ERG: variants seen among roughly 807,000 people sequenced by gnomAD.
ERG encodes transcriptional regulator ERG.
A neutral mutation model predicts 55.3 loss-of-function variants in ERG; 9 were observed. The ratio of observed to expected loss-of-function variants is 0.16; its 90% CI spans 0.10 to 0.28. ERG has a LOEUF of 0.28. Among genes scored for constraint, ERG ranks in the 10% least tolerant of loss-of-function variants. The pLI is 1.00. For synonymous variants in ERG, 223 were observed against 237.3 expected (o/e 0.94, Z 0.55); for missense variants, 434 against 631.6 (o/e 0.69, Z 3.35).
chr21:38,631,483 G>A lies in ERG; in HGVS notation c.-150+30175C>T, dbSNP rs1340113526. Among the ~76,000 whole-genome samples, 6 of 152,128 alleles carry A rather than the reference G, an allele frequency of 3.9e-5. No individual in the cohort carries two copies. In the East Asian group the frequency reaches 1.2e-3, roughly 29 times the overall value. On this transcript the variant is annotated intron_variant, in intron 1 of 10. Transcript: ENST00000398910. ...TGAACATTCTGTTGCTGCTATATATGTCATTTTCAGCAGAGATGAAATAAC... is the reference window on the plus strand; with the variant it reads ...TGAACATTCTGTTGCTGCTATATATATCATTTTCAGCAGAGATGAAATAAC...
intron 3 of ERG, among the ~76,000 whole-genome samples, chr21:38,415,753 G>A (rs1601361617): frequency 6.6e-6 from 1 of 152,180 alleles, no homozygotes; most frequent in Non-Finnish European, 1.5e-5. Context: ...TTTAAAGGAA[G>A]ACTGAACTTA....
intron 2 of ERG, among the ~76,000 whole-genome samples, chr21:38,437,716 C>T (rs1029659322): frequency 9.9e-5 from 15 of 152,188 alleles, no homozygotes; most frequent in Non-Finnish European, 1.6e-4. Context: ...CTCTTTTCCT[C>T]ATGCCATATG....
In ERG at chr21:38,534,959, G is replaced by A. The variant is rs140679197; in HGVS notation, c.-41+40703C>T. ...TTAAATTAAAGTGGTTTTTTTAATC[G>A]TTTTATTTTAAAGTTCCGAGGGACA... On this transcript the variant is annotated intron_variant, in intron 2 of 8. Transcript: ENST00000398897. Among the ~76,000 whole-genome samples, 630 of 152,086 alleles carry A rather than the reference G, an allele frequency of 4.1e-3. 5 individuals are homozygous for A. The highest frequency in any genetic ancestry group is 0.014 in the African/African-American group (589 of 41,476).
intron 2 of ERG, among the ~76,000 whole-genome samples, chr21:38,549,423 C>T (rs2059809719): frequency 6.6e-6 from 1 of 152,222 alleles, no homozygotes; most frequent in South Asian, 2.1e-4. Flanking sequence ...AAATCTACAA[C>T]TAAAGATGTC....
At chr21:38,399,074 C>T (rs916510180) in intron 6 of ERG, among the ~76,000 whole-genome samples, 1 of 152,144 alleles carries the variant, frequency 6.6e-6, no homozygotes, top group Non-Finnish European at 1.5e-5. Context: ...ACTCGCAATA[C>T]ACGTGGTGGA....
chr21:38,598,048 C>T (rs2060142554), intron 1 of ERG, among the ~76,000 whole-genome samples: 1 of 152,124 alleles, frequency 6.6e-6, no homozygotes, highest in African/African-American at 2.4e-5. Flanking sequence ...TCACTGGGCT[C>T]CCTAGATGGA....
At chr21:38,397,832 C>G (rs1299834397) in intron 6 of ERG, among the ~76,000 whole-genome samples, 1 of 152,102 alleles carries the variant, frequency 6.6e-6, no homozygotes, top group Non-Finnish European at 1.5e-5. Flanking sequence ...ACTGTCTCCT[C>G]TATCAGGGAC....
At chr21:38,465,421 G>C (rs2059079624) in intron 1 of ERG, among the ~76,000 whole-genome samples, 1 of 152,180 alleles carries the variant, frequency 6.6e-6, no homozygotes, top group East Asian at 1.9e-4. Flanking sequence ...TGAACAGGTG[G>C]AGCACTGAGG....
intron 1 of ERG, among the ~76,000 whole-genome samples, chr21:38,578,696 C>T (rs181622684): frequency 2.6e-5 from 4 of 152,246 alleles, no homozygotes; most frequent in Admixed American, 1.3e-4. Flanking sequence ...CCATAGACAA[C>T]CAAAACCCCA....
At chr21:38,430,020 G>C (rs1301136999) in intron 2 of ERG, among the ~76,000 whole-genome samples, 2 of 152,054 alleles carry the variant, frequency 1.3e-5, no homozygotes, top group East Asian at 3.9e-4. Context: ...GGTTGTACTA[G>C]TTTACATTCC....
At chr21:38,489,090 T>C (rs2059313221) in intron 1 of ERG, among the ~76,000 whole-genome samples, 1 of 152,206 alleles carries the variant, frequency 6.6e-6, no homozygotes, top group African/African-American at 2.4e-5. Context: ...TTGGGCTGGC[T>C]ATCTGTGTAG....
chr21:38,611,098 ACTT>A (rs1234383147), intron 1 of ERG, among the ~76,000 whole-genome samples: 2 of 152,030 alleles, frequency 1.3e-5, no homozygotes, highest in African/African-American at 2.4e-5. Flanking sequence ...CCCTTGGCTC[ACTT>A]CTTCTCCTCG....
In ERG at chr21:38,597,927, C is replaced by T. The variant is rs183624691; in HGVS notation, c.-149-12982G>A. Among the ~76,000 whole-genome samples, 243 of 152,252 alleles carry T rather than the reference C, an allele frequency of 1.6e-3. 1 individual carries two copies. Among genetic ancestry groups the T allele is most frequent in the African/African-American group, 4.5e-3 (188 of 41,542 alleles). On this transcript the variant is annotated intron_variant, in intron 1 of 10. Transcript: ENST00000398910. ...CATTTGCAATCCGTTGACTTAAAGT[C>T]GATTATGTGGGAAATAACTGAGAGT...
At chr21:38,525,572 T>C (rs1273571023) in intron 2 of ERG, among the ~76,000 whole-genome samples, 3 of 152,208 alleles carry the variant, frequency 2.0e-5, no homozygotes, top group Non-Finnish European at 4.4e-5. Context: ...ACAGAGTTGC[T>C]TGTGAGTCAT....
At chr21:38,616,459 A>C (rs1427677836) in intron 1 of ERG, among the ~76,000 whole-genome samples, 1 of 152,082 alleles carries the variant, frequency 6.6e-6, no homozygotes, top group African/African-American at 2.4e-5. Flanking sequence ...CTCAGAAAAA[A>C]ATGTTTTCAT....
intron 1 of ERG, among the ~76,000 whole-genome samples, chr21:38,589,983 G>A (rs1037609899): frequency 9.2e-5 from 14 of 152,098 alleles, no homozygotes; most frequent in African/African-American, 2.4e-4. Context: ...CCATAGTCAC[G>A]CAGACACGCT....
At chr21:38,481,888 C>G (rs893588860) in intron 1 of ERG, among the ~76,000 whole-genome samples, 1 of 152,208 alleles carries the variant, frequency 6.6e-6, no homozygotes, top group Non-Finnish European at 1.5e-5. Flanking sequence ...CAACTTGTCA[C>G]TAGTTCATGT....
Position 38,655,643 on chromosome 21 carries a change from C to T in ERG, c.-150+6015G>A, listed in dbSNP as rs2060514501. Among the ~76,000 whole-genome samples, 2 of 152,300 alleles carry T rather than the reference C, an allele frequency of 1.3e-5. 1 individual carries two copies. Among genetic ancestry groups the T allele is most frequent in the South Asian group, 4.1e-4 (2 of 4,820 alleles). On this transcript the variant is annotated intron_variant, in intron 1 of 10. Transcript: ENST00000398910. ...ACTAAAAAGAACCATTTAATCAGGCCAAATTCCCTTCAGGCTTATTGAGGC... is the reference window on the plus strand; with the variant it reads ...ACTAAAAAGAACCATTTAATCAGGCTAAATTCCCTTCAGGCTTATTGAGGC...
intron 2 of ERG, among the ~76,000 whole-genome samples, chr21:38,567,042 C>G (rs2059927241): frequency 1.3e-5 from 2 of 150,198 alleles, no homozygotes; most frequent in Admixed American, 6.7e-5. Context: ...GAATGTCAGC[C>G]TCACTGAATC....
Sources: gnomAD v4.1 joint callset for allele counts (sites outside exome capture counted in the v4.1 genomes callset) on GRCh38, gnomAD v4.1.1 for gene constraint, MANE v1.5 for transcripts, NCBI Gene and HGNC (gene_info 2026-07-23, HGNC 2026-07-21) for gene names.